CCDC178: variants seen among roughly 807,000 people sequenced by gnomAD.
CCDC178 encodes the protein coiled-coil domain-containing protein 178.
In CCDC178, 126 loss-of-function variants were observed where a neutral mutation model predicts 117.4. The ratio of observed to expected loss-of-function variants is 1.07; its 90% CI spans 0.93 to 1.24. The LOEUF (loss-of-function observed/expected upper bound fraction) is 1.24, where lower values mean the gene tolerates loss of function less well. CCDC178 is among the 50% of genes most tolerant of loss of function. The pLI is 0.00. For synonymous variants in CCDC178, 283 were observed against 313.4 expected (o/e 0.90, Z 1.02); for missense variants, 1,030 against 986.9 (o/e 1.04, Z -0.59).
chr18:32,945,671 G>T (rs1052934323), intron 22 of CCDC178, among the ~76,000 whole-genome samples: 2 of 151,994 alleles, frequency 1.3e-5, no homozygotes, highest in African/African-American at 4.8e-5. Context: ...TTATTTGGCA[G>T]GAAATGACCT....
At chr18:33,176,117 T>C (rs1395744389) in intron 20 of CCDC178, among the ~76,000 whole-genome samples, 3 of 152,160 alleles carry the variant, frequency 2.0e-5, no homozygotes, top group Non-Finnish European at 4.4e-5. Flanking sequence ...GATCATGCCA[T>C]CCAGGTATAA....
intron 21 of CCDC178, among the ~76,000 whole-genome samples, chr18:33,038,714 T>C (rs2056490335): frequency 6.6e-6 from 1 of 152,028 alleles, no homozygotes; most frequent in Non-Finnish European, 1.5e-5. Context: ...TGAGGTAGAA[T>C]GAGGTTGTCT....
chr18:33,059,039 G>T (rs1448747283), intron 21 of CCDC178, among the ~76,000 whole-genome samples: 1 of 152,010 alleles, frequency 6.6e-6, no homozygotes, highest in Non-Finnish European at 1.5e-5. Context: ...GGGAAAGAAG[G>T]GTCAACGACC....
At chr18:33,352,985 T>C (rs2062997765) in intron 7 of CCDC178, among the ~76,000 whole-genome samples, 1 of 152,154 alleles carries the variant, frequency 6.6e-6, no homozygotes, top group Non-Finnish European at 1.5e-5. Context: ...AGTTCTTTTA[T>C]CCATTATTGG....
intron 11 of CCDC178, among the ~76,000 whole-genome samples, chr18:33,302,740 T>G (rs1324414523): frequency 1.3e-5 from 2 of 152,180 alleles, no homozygotes; most frequent in Admixed American, 1.3e-4. Context: ...ATTACGTTAA[T>G]GAAATAAGAC....
chr18:33,295,549 T>C (rs2062096345), intron 11 of CCDC178, among the ~76,000 whole-genome samples: 1 of 152,116 alleles, frequency 6.6e-6, no homozygotes, highest in Non-Finnish European at 1.5e-5. Context: ...CATATCCGAT[T>C]AAAAATCTTA....
At chr18:33,416,547 T>C (rs1166977399) in intron 2 of CCDC178, among the ~76,000 whole-genome samples, 1 of 151,484 alleles carries the variant, frequency 6.6e-6, no homozygotes, top group Non-Finnish European at 1.5e-5. Context: ...GGTATCAGAG[T>C]AAATAAACTG....
intron 12 of CCDC178, among the ~76,000 whole-genome samples, chr18:33,286,413 C>G (rs1412057219): frequency 6.6e-6 from 1 of 152,152 alleles, no homozygotes; most frequent in Non-Finnish European, 1.5e-5. Context: ...AGCTTTTTGT[C>G]TGTTAGAAAA....
chr18:33,319,737 G>A (rs1274281693), intron 11 of CCDC178, among the ~76,000 whole-genome samples: 1 of 152,146 alleles, frequency 6.6e-6, no homozygotes. Flanking sequence ...CATTCTAACT[G>A]GTGTGAGATG....
intron 21 of CCDC178, among the ~76,000 whole-genome samples, chr18:33,001,794 C>T (rs1161459739): frequency 1.3e-5 from 2 of 151,958 alleles, no homozygotes; most frequent in East Asian, 3.9e-4. Context: ...ACAAGAAACA[C>T]ATTTCACCTG....
intron 20 of CCDC178, among the ~76,000 whole-genome samples, chr18:33,143,513 A>G (rs2058234344): frequency 6.6e-6 from 1 of 152,166 alleles, no homozygotes; most frequent in Non-Finnish European, 1.5e-5. Context: ...AGTGTTATAC[A>G]AATGCATAGA....
At chr18:32,990,722 G>A (rs1759159085) in intron 21 of CCDC178, among the ~76,000 whole-genome samples, 1 of 151,778 alleles carries the variant, frequency 6.6e-6, no homozygotes, top group Non-Finnish European at 1.5e-5. Flanking sequence ...AAAACACCAT[G>A]AAAATGAAAA....
chr18:33,210,068 C>A (rs1439761666), intron 20 of CCDC178, among the ~76,000 whole-genome samples: 3 of 152,052 alleles, frequency 2.0e-5, no homozygotes, highest in African/African-American at 7.2e-5. Context: ...TTGCTACTAG[C>A]AGCATGTGGA....
rs577290725 is a variant in CCDC178 at position 32,970,361 on chromosome 18, C to T, written c.2523+4186G>A. Among the ~76,000 whole-genome samples the T allele has an allele frequency of 5.3e-5, 8 of 151,996 alleles. No individual in the cohort carries two copies. The East Asian group carries it at 1.6e-3, about 30-fold the overall frequency. ...AACTGATTTTTGAATTGCTTTTCCT[C>T]AATATTGGTTATATACAATTTACTT... is the stretch of plus-strand genomic sequence containing the variant. On this transcript the variant is annotated intron_variant, in intron 22 of 22. Coordinates refer to ENST00000383096, the MANE Select transcript of CCDC178 (RefSeq NM_001105528.4).
rs546726953 is a variant in CCDC178 at position 33,288,285 on chromosome 18, C to T, written c.1176+4874G>A. On this transcript the variant is annotated intron_variant, in intron 12 of 22. Coordinates refer to ENST00000383096, the MANE Select transcript of CCDC178 (RefSeq NM_001105528.4). Reference sequence around the variant, plus strand: ...CTCCCCTCCTCTCCCTTCCTCTCCCCTCCTCTTCCCTCCTCTCTCCTCCCC... The same window carrying T: ...CTCCCCTCCTCTCCCTTCCTCTCCCTTCCTCTTCCCTCCTCTCTCCTCCCC... Among the ~76,000 whole-genome samples the T allele has an allele frequency of 1.8e-4, 21 of 116,926 alleles. No individual in the cohort carries two copies. The East Asian group carries it at 3.1e-3, about 17-fold the overall frequency. The allele number at this position is 116,926 out of a possible 152,430, so 76.7% of individuals were successfully genotyped here.
chr18:32,993,851 G>C (rs1329398324), intron 21 of CCDC178, among the ~76,000 whole-genome samples: 1 of 152,100 alleles, frequency 6.6e-6, no homozygotes, highest in Non-Finnish European at 1.5e-5. Flanking sequence ...GGCCTTTAAT[G>C]AGTGTCAAGA....
intron 12 of CCDC178, among the ~76,000 whole-genome samples, chr18:33,289,516 A>T (rs1436983387): frequency 1.3e-5 from 2 of 152,078 alleles, no homozygotes; most frequent in African/African-American, 4.8e-5. Flanking sequence ...GGGGAGGCTG[A>T]GGCTGGAGAA....
At chr18:33,307,591 T>C (rs368068035) in intron 11 of CCDC178, among the ~76,000 whole-genome samples, 2 of 152,200 alleles carry the variant, frequency 1.3e-5, no homozygotes, top group Non-Finnish European at 2.9e-5. Context: ...TACATTTGCA[T>C]AAGTAACAAT....
At chr18:33,386,090 A>C (rs545040689) in intron 5 of CCDC178, among the ~76,000 whole-genome samples, 24 of 152,332 alleles carry the variant, frequency 1.6e-4, no homozygotes, top group African/African-American at 5.8e-4. Flanking sequence ...AATAAACTGG[A>C]AAATCTACAA....
Sources: allele counts gnomAD v4.1 joint callset (sites outside exome capture counted in the v4.1 genomes callset), GRCh38; gene constraint gnomAD v4.1.1; transcripts MANE v1.5; gene names NCBI Gene and HGNC (gene_info 2026-07-23, HGNC 2026-07-21).